The following HS3ST4 variants were observed in gnomAD, a reference collection of about 807,000 sequenced individuals.
HS3ST4 encodes the protein heparan sulfate glucosamine 3-O-sulfotransferase 4.
In HS3ST4, 17 loss-of-function variants were observed where a neutral mutation model predicts 29.2. That is an observed-to-expected ratio of 0.58 (90% CI 0.40 to 0.87). The LOEUF (loss-of-function observed/expected upper bound fraction) is 0.87. Among genes scored for constraint, HS3ST4 ranks in the 40% least tolerant of loss-of-function variants. HS3ST4 has a pLI of 0.00. For missense variants in HS3ST4, 627 were observed against 634.5 expected (o/e 0.99, Z 0.13); for synonymous variants, 314 against 285.7 (o/e 1.10, Z -1.00).
At chr16:25,855,686 T>A (rs937792744) in intron 1 of HS3ST4, among the ~76,000 whole-genome samples, 1 of 152,110 alleles carries the variant, frequency 6.6e-6, no homozygotes, top group Non-Finnish European at 1.5e-5. Context: ...CATAATGTCT[T>A]GGAATTTAGT....
intron 1 of HS3ST4, among the ~76,000 whole-genome samples, chr16:26,085,713 T>A (rs1898778585): frequency 6.6e-6 from 1 of 151,370 alleles, no homozygotes; most frequent in African/African-American, 2.4e-5. Flanking sequence ...TCTACAAAAA[T>A]TTTTTTAAAA....
intron 1 of HS3ST4, among the ~76,000 whole-genome samples, chr16:25,803,376 A>G (rs913056284): frequency 6.6e-6 from 1 of 152,160 alleles, no homozygotes; most frequent in African/African-American, 2.4e-5. Context: ...CATCATTCAT[A>G]AACATGGTGG....
chr16:26,006,555 C>T (rs1969261135), intron 1 of HS3ST4, among the ~76,000 whole-genome samples: 2 of 152,044 alleles, frequency 1.3e-5, no homozygotes, highest in Admixed American at 6.6e-5. Context: ...AATAAGCCTT[C>T]CTGAAAATTT....
intron 1 of HS3ST4, among the ~76,000 whole-genome samples, chr16:25,828,250 TTC>T (rs1567249338): frequency 1.8e-5 from 1 of 55,362 alleles, no homozygotes; most frequent in African/African-American, 7.3e-5. Context: ...TTCTCTTTCT[TTC>T]TTTCTTTCTT....
intron 1 of HS3ST4, among the ~76,000 whole-genome samples, chr16:25,884,749 A>G (rs1378429329): frequency 6.6e-6 from 1 of 152,148 alleles, no homozygotes; most frequent in African/African-American, 2.4e-5. Context: ...TATTTTCAAT[A>G]GTGATGGGGT....
At position 25,951,261 on chromosome 16, in the gene HS3ST4, A is replaced by G. The variant is rs565389807; in HGVS notation, c.735-184351A>G. Among the ~76,000 whole-genome samples the G allele has an allele frequency of 1.3e-4, 20 of 152,344 alleles. No homozygotes were observed. In the East Asian group the frequency reaches 3.7e-3, roughly 28 times the overall value. On this transcript the variant is annotated intron_variant, in intron 1 of 1. Coordinates refer to ENST00000331351, the MANE Select transcript of HS3ST4 (RefSeq NM_006040.3). ...GCCTGCAGCCACTGCCAGTTTTTCC[A>G]GAGGGAAGCTGACCTTGGTTTGGTG...
intron 1 of HS3ST4, among the ~76,000 whole-genome samples, chr16:26,091,620 A>C (rs183412713): frequency 2.0e-5 from 3 of 152,302 alleles, no homozygotes; most frequent in Non-Finnish European, 1.5e-5. Context: ...GTAAAGTGCA[A>C]CCAAGCCATA....
intron 1 of HS3ST4, among the ~76,000 whole-genome samples, chr16:25,873,277 T>TCCA (rs1270131599): frequency 8.6e-5 from 9 of 105,184 alleles, no homozygotes; most frequent in African/African-American, 1.4e-4. Flanking sequence ...CATTTGTCCA[T>TCCA]TCATCCATCC....
intron 1 of HS3ST4, among the ~76,000 whole-genome samples, chr16:25,834,585 AAT>A (rs1416570941): frequency 2.0e-5 from 3 of 152,240 alleles, no homozygotes; most frequent in African/African-American, 4.8e-5. Context: ...ATAATTTAAA[AAT>A]ATACAAAACA....
At chr16:25,755,783 C>T (rs1966753920) in intron 1 of HS3ST4, among the ~76,000 whole-genome samples, 1 of 152,172 alleles carries the variant, frequency 6.6e-6, no homozygotes, top group Non-Finnish European at 1.5e-5. Context: ...CTGCCCTCTT[C>T]AACTGGGGCA....
intron 1 of HS3ST4, among the ~76,000 whole-genome samples, chr16:25,887,134 G>A (rs949069651): frequency 1.3e-5 from 2 of 152,064 alleles, no homozygotes; most frequent in African/African-American, 4.8e-5. Flanking sequence ...CTGGGGGTGG[G>A]GGAGAAAAGG....
intron 1 of HS3ST4, among the ~76,000 whole-genome samples, chr16:25,920,802 G>T (rs1009867567): frequency 4.6e-5 from 7 of 151,870 alleles, no homozygotes; most frequent in Non-Finnish European, 2.9e-5. Context: ...TGCAGACAGG[G>T]TGACAGGGTT....
intron 1 of HS3ST4, among the ~76,000 whole-genome samples, chr16:26,095,987 G>T (rs143765042): frequency 2.0e-5 from 3 of 152,020 alleles, no homozygotes; most frequent in African/African-American, 2.4e-5. Context: ...TACTATAAAC[G>T]CCTCTATGCA....
At chr16:25,875,613 A>G (rs1043967217) in intron 1 of HS3ST4, among the ~76,000 whole-genome samples, 1 of 152,136 alleles carries the variant, frequency 6.6e-6, no homozygotes, top group African/African-American at 2.4e-5. Flanking sequence ...TGTTAAGTCC[A>G]ATATGAGGTT....
intron 1 of HS3ST4, among the ~76,000 whole-genome samples, chr16:25,916,072 A>G (rs1325861267): frequency 6.6e-6 from 1 of 152,230 alleles, no homozygotes; most frequent in Non-Finnish European, 1.5e-5. Context: ...GTCATTCATT[A>G]TGCATCAGTT....
At chr16:25,776,991 A>C (rs949952879) in intron 1 of HS3ST4, among the ~76,000 whole-genome samples, 5 of 152,190 alleles carry the variant, frequency 3.3e-5, no homozygotes, top group African/African-American at 1.2e-4. Context: ...ATTACAGGAT[A>C]CTTTTTTCCA....
intron 1 of HS3ST4, among the ~76,000 whole-genome samples, chr16:25,764,880 T>C (rs953889081): frequency 2.0e-4 from 31 of 152,238 alleles, no homozygotes; most frequent in African/African-American, 7.5e-4. Flanking sequence ...TGTGTGTGCA[T>C]GAACTTGCTG....
intron 1 of HS3ST4, among the ~76,000 whole-genome samples, chr16:25,938,956 G>A (rs560839723): frequency 2.0e-5 from 3 of 152,324 alleles, no homozygotes; most frequent in African/African-American, 4.8e-5. Context: ...GGGAATGTCT[G>A]TCTCATGCTG....
intron 1 of HS3ST4, among the ~76,000 whole-genome samples, chr16:26,034,269 C>T (rs1969561910): frequency 6.6e-6 from 1 of 152,082 alleles, no homozygotes; most frequent in Non-Finnish European, 1.5e-5. Flanking sequence ...GCCCAGTGAC[C>T]CAGGCAGCAT....
Sources: allele counts gnomAD v4.1 joint callset (sites outside exome capture counted in the v4.1 genomes callset), GRCh38; gene constraint gnomAD v4.1.1; transcripts MANE v1.5; gene names NCBI Gene and HGNC (gene_info 2026-07-23, HGNC 2026-07-21).